Variants in USP12 observed in about 807,000 individuals in gnomAD.
The protein encoded by USP12 is ubiquitin carboxyl-terminal hydrolase 12.
Under a neutral mutation model 45.5 loss-of-function variants are expected in USP12, and 19 were observed. That is an observed-to-expected ratio of 0.42 (90% confidence interval 0.29 to 0.61). USP12 has a LOEUF of 0.61. Ranked by LOEUF, USP12 falls within the 20% of genes least tolerant of loss-of-function variation. The pLI is 0.22. For synonymous variants in USP12, 149 were observed against 148.8 expected (o/e 1.00, Z -0.01); for missense variants, 242 against 447.7 (o/e 0.54, Z 4.15).
Position 27,070,978 on chromosome 13 carries a change from A to C in USP12, c.1011+93T>G, listed in dbSNP as rs1025884329. On this transcript the variant is annotated intron_variant, in intron 8 of 8. Coordinates refer to ENST00000282344, the MANE Select transcript of USP12 (RefSeq NM_182488.4). The stretch of plus-strand genomic sequence containing the variant: ...ACCCAGACATTTGTCTCATATCATC[A>C]CCAGTCATATATAAATGAAAAACTA... 7 of 1,015,726 alleles carry C rather than the reference A, an allele frequency of 6.9e-6. No homozygotes were observed. The African/African-American group carries it at 1.1e-4, about 17-fold the overall frequency. 62.9% of individuals were successfully genotyped at this position (1,015,726 alleles called of 1,614,324 possible).
chr13:27,121,360 T>G (rs937715041), intron 1 of USP12, among the ~76,000 whole-genome samples: 1 of 145,506 alleles, frequency 6.9e-6, no homozygotes, highest in Non-Finnish European at 1.5e-5. Context: ...AAATTGAGAG[T>G]GCCCTCCTTC....
intron 3 of USP12, among the ~76,000 whole-genome samples, chr13:27,102,802 G>T (rs564769986): frequency 6.6e-6 from 1 of 152,142 alleles, no homozygotes; most frequent in Non-Finnish European, 1.5e-5. Context: ...AGGGTGTCAG[G>T]TACCTGAAGG....
chr13:27,116,311 CAAAAA>C (rs10549775), intron 2 of USP12, among the ~76,000 whole-genome samples, 200 bp downstream of exon 2: 4 of 90,936 alleles, frequency 4.4e-5, no homozygotes, highest in Admixed American at 1.3e-4. Flanking sequence ...GACGCTGTCT[CAAAAA>C]AAAAAAAAAA....
At chr13:27,126,619 ATAAAC>A (rs1876250549) in intron 1 of USP12, among the ~76,000 whole-genome samples, 1 of 152,170 alleles carries the variant, frequency 6.6e-6, no homozygotes, top group South Asian at 2.1e-4. Context: ...CCATTCTAAT[ATAAAC>A]TAAACTACTG....
intron 3 of USP12, among the ~76,000 whole-genome samples, chr13:27,102,011 T>TAATGAATG (rs57318848): frequency 0.073 from 10,990 of 151,548 alleles, 513 homozygotes; most frequent in African/African-American, 0.12. Context: ...TCCCATTTTT[T>TAATGAATG]AATGAATGAA....
intron 1 of USP12, among the ~76,000 whole-genome samples, chr13:27,146,807 G>A (rs1877329079): frequency 6.6e-6 from 1 of 152,174 alleles, no homozygotes; most frequent in Non-Finnish European, 1.5e-5. Context: ...ACTTCATAAT[G>A]TAACCTTATT....
intron 1 of USP12, among the ~76,000 whole-genome samples, chr13:27,148,800 A>ACACACACAC (rs1403232913): frequency 1.3e-5 from 2 of 151,168 alleles, no homozygotes; most frequent in South Asian, 4.2e-4. Context: ...CTTAATACAC[A>ACACACACAC]CACACACACA....
At chr13:27,156,867 T>G (rs1414728266) in intron 1 of USP12, among the ~76,000 whole-genome samples, 1 of 152,062 alleles carries the variant, frequency 6.6e-6, no homozygotes, top group Non-Finnish European at 1.5e-5. Flanking sequence ...TATGGTTGTC[T>G]TTAGGGGGAA....
At chr13:27,141,553 GACAA>G (rs1275457388) in intron 1 of USP12, among the ~76,000 whole-genome samples, 3 of 152,080 alleles carry the variant, frequency 2.0e-5, no homozygotes, top group East Asian at 1.9e-4. Flanking sequence ...ATAAAAACAT[GACAA>G]ACAAACACAG....
chr13:27,160,802 T>G (rs1432006429), intron 1 of USP12, among the ~76,000 whole-genome samples: 1 of 151,736 alleles, frequency 6.6e-6, no homozygotes, highest in East Asian at 1.9e-4. Context: ...TTTTCCCCCT[T>G]CAACCTTAAG....
intron 3 of USP12, among the ~76,000 whole-genome samples, chr13:27,097,885 T>A (rs1874665273): frequency 6.6e-6 from 1 of 152,152 alleles, no homozygotes; most frequent in South Asian, 2.1e-4. Flanking sequence ...AATATTTTCA[T>A]ACACATAATG....
At chr13:27,165,268 A>G (rs1362473703) in intron 1 of USP12, among the ~76,000 whole-genome samples, 1 of 152,214 alleles carries the variant, frequency 6.6e-6, no homozygotes, top group Non-Finnish European at 1.5e-5. Context: ...AAAGAAGACA[A>G]TCTACATTCT....
chr13:27,171,674 C>T lies in USP12; in HGVS notation c.-35G>A. 2 of 1,203,022 alleles carry T rather than the reference C, an allele frequency of 1.7e-6. No homozygotes were observed. The highest frequency in any genetic ancestry group is 1.1e-6 in the Non-Finnish European group (1 of 935,844). 74.5% of individuals were successfully genotyped at this position (1,203,022 alleles called of 1,614,324 possible). On this transcript the variant is annotated 5_prime_UTR_variant, in exon 1 of 9. Transcript: ENST00000282344. ...GCCATCTTCCACCCAATCACAGCGG[C>T]GGCGGCGGGCGGGGGAGGAGGGGAG...
rs562773243 is a variant in USP12, at chr13:27,102,172, G to A, written c.343+3559C>T. 2.0e-5 allele frequency among the ~76,000 whole-genome samples: 3 copies of A among 152,246 alleles called. No individual in the cohort carries two copies. In the East Asian group the frequency reaches 5.8e-4, roughly 29 times the overall value. ...CACAACTACAGATGCCAGCTGATGT[G>A]GCCCTCAGGCCCACCTAAAATGATC... On this transcript the variant is annotated intron_variant, in intron 3 of 8. Transcript: ENST00000282344.
At chr13:27,112,287 C>CTTT (rs750413408) in intron 2 of USP12, among the ~76,000 whole-genome samples, 6 of 143,334 alleles carry the variant, frequency 4.2e-5, no homozygotes, top group Non-Finnish European at 7.7e-5. Flanking sequence ...TTCATAGCTA[C>CTTT]TTTTTTTTTT....
chr13:27,143,208 GATT>G (rs1173905058), intron 1 of USP12, among the ~76,000 whole-genome samples: 3 of 151,648 alleles, frequency 2.0e-5, no homozygotes, highest in Non-Finnish European at 4.4e-5. Context: ...GATTGTAATT[GATT>G]ATTATCAAAC....
chr13:27,152,896 C>G (rs938395540), intron 1 of USP12, among the ~76,000 whole-genome samples: 1 of 143,814 alleles, frequency 7.0e-6, no homozygotes, highest in African/African-American at 2.6e-5. Flanking sequence ...GAGTGGATAT[C>G]GCACCACTGC....
At chr13:27,084,948 C>A (rs755834118) in intron 6 of USP12, among the ~76,000 whole-genome samples, 8 of 152,084 alleles carry the variant, frequency 5.3e-5, no homozygotes, top group Non-Finnish European at 1.2e-4. Flanking sequence ...TTGATAGGGA[C>A]TGCACTGAAT....
intron 1 of USP12, among the ~76,000 whole-genome samples, chr13:27,167,191 G>A (rs1240844611): frequency 6.6e-6 from 1 of 152,096 alleles, no homozygotes; most frequent in Non-Finnish European, 1.5e-5. Flanking sequence ...GAACCTGGGA[G>A]GTGGAGGTTG....
Sources: allele counts gnomAD v4.1 joint callset (sites outside exome capture counted in the v4.1 genomes callset), GRCh38; gene constraint gnomAD v4.1.1; transcripts MANE v1.5; gene names NCBI Gene and HGNC (gene_info 2026-07-23, HGNC 2026-07-21).